The following CYP27C1 variants were observed in gnomAD, a reference collection of about 807,000 sequenced individuals.
The protein encoded by CYP27C1 is cytochrome P450 27C1.
In CYP27C1, 29 loss-of-function variants were observed where a neutral mutation model predicts 40.6. The ratio of observed to expected loss-of-function variants is 0.71; its 90% CI spans 0.53 to 0.97. CYP27C1 has a LOEUF of 0.97. CYP27C1 is among the 50% of genes least tolerant of loss of function. The pLI is 0.00. For missense variants in CYP27C1, 390 were observed against 485.8 expected (o/e 0.80, Z 1.85); for synonymous variants, 198 against 186.8 (o/e 1.06, Z -0.49).
chr2:127,192,328 C>T (rs373278714), intron 8 of CYP27C1, among the ~76,000 whole-genome samples: 1 of 152,320 alleles, frequency 6.6e-6, no homozygotes, highest in Non-Finnish European at 1.5e-5. Context: ...GGTTTCCCGT[C>T]GCTGAAACAG....
chr2:127,193,939 T>C (rs1682845097), intron 6 of CYP27C1, 72 bp from the exon 7 acceptor site: 1 of 1,498,054 alleles, frequency 6.7e-7, no homozygotes, highest in African/African-American at 1.4e-5. Flanking sequence ...TTCAGAACCC[T>C]GGATATATTC....
chr2:127,191,962 T>C (rs1180817882), intron 8 of CYP27C1, among the ~76,000 whole-genome samples: 1 of 152,098 alleles, frequency 6.6e-6, no homozygotes, highest in Non-Finnish European at 1.5e-5. Flanking sequence ...GTTCTGTGCC[T>C]CCTCCCTGGG....
At chr2:127,206,869 G>C (rs781778642) in intron 1 of CYP27C1, among the ~76,000 whole-genome samples, 4 of 151,460 alleles carry the variant, frequency 2.6e-5, no homozygotes, top group Non-Finnish European at 5.9e-5. Context: ...AAGAAGTCAG[G>C]CTATCTCTAT....
intron 8 of CYP27C1, among the ~76,000 whole-genome samples, chr2:127,191,446 G>A (rs912558232): frequency 1.3e-5 from 2 of 152,148 alleles, no homozygotes; most frequent in Non-Finnish European, 2.9e-5. Flanking sequence ...GCCAGAGCCT[G>A]GGGGCAACAA....
At chr2:127,188,653 G>A (rs1403053956) in intron 8 of CYP27C1, among the ~76,000 whole-genome samples, 1 of 151,708 alleles carries the variant, frequency 6.6e-6, no homozygotes, top group Non-Finnish European at 1.5e-5. Flanking sequence ...TGTTGATCTT[G>A]GTTCGTACCT....
rs1275468076 is a variant in CYP27C1 at position 127,218,561 on chromosome 2, C to G, written c.282+1428G>C. Reference sequence around the variant, plus strand: ...TTAAAATTAAATTAAATTTTAATTCCCGGCCGAATTAAAATTGCTCCTCGC... The same window carrying G: ...TTAAAATTAAATTAAATTTTAATTCGCGGCCGAATTAAAATTGCTCCTCGC... On this transcript the variant is annotated intron_variant, in intron 1 of 8. Transcript: ENST00000664447. The surrounding 1 kb of genome is among the most constrained non-coding windows in gnomAD (Gnocchi z 6.0). Among the ~76,000 whole-genome samples the G allele has an allele frequency of 1.3e-5, 2 of 151,984 alleles. No homozygotes were observed. The highest frequency in any genetic ancestry group is 2.1e-4 in the South Asian group (1 of 4,832).
At chr2:127,204,438 GA>G (rs1374936746) in intron 2 of CYP27C1, among the ~76,000 whole-genome samples, 47 of 34,568 alleles carry the variant, frequency 1.4e-3, no homozygotes, top group African/African-American at 3.6e-3. Flanking sequence ...AGGAAAGAAA[GA>G]AAAAGAAAGA....
intron 8 of CYP27C1, among the ~76,000 whole-genome samples, chr2:127,188,026 G>A (rs747693264): frequency 4.6e-5 from 7 of 152,250 alleles, no homozygotes; most frequent in Non-Finnish European, 8.8e-5. Flanking sequence ...CCCGGCGGCC[G>A]GCTAGGGTTT....
At chr2:127,190,331 C>CTTTTTTT (rs11400543) in intron 8 of CYP27C1, among the ~76,000 whole-genome samples, 5 of 120,222 alleles carry the variant, frequency 4.2e-5, no homozygotes, top group Non-Finnish European at 4.9e-5. Flanking sequence ...TGTGGCTTCT[C>CTTTTTTT]TTTTTTTTTT....
intron 1 of CYP27C1, among the ~76,000 whole-genome samples, chr2:127,213,542 C>T (rs188514782): frequency 1.2e-4 from 19 of 152,224 alleles, no homozygotes; most frequent in Admixed American, 2.6e-4. Flanking sequence ...CTTTGACAAA[C>T]CTGACAAAAA....
intron 3 of CYP27C1, among the ~76,000 whole-genome samples, chr2:127,202,670 A>G (rs1044739584): frequency 3.9e-5 from 6 of 152,194 alleles, no homozygotes; most frequent in Non-Finnish European, 4.4e-5. Flanking sequence ...CAATATGACT[A>G]AAAGCTAGAA....
At chr2:127,193,751 C>T in intron 7 of CYP27C1, 38 bp downstream of exon 7, 3 of 1,611,536 alleles carry the variant, frequency 1.9e-6, no homozygotes, top group South Asian at 2.2e-5. Flanking sequence ...TCAACCCCGA[C>T]CCGCAAGGCC....
intron 1 of CYP27C1, among the ~76,000 whole-genome samples, chr2:127,210,591 T>A (rs1183685000): frequency 6.6e-6 from 1 of 151,408 alleles, no homozygotes; most frequent in Non-Finnish European, 1.5e-5. Flanking sequence ...TCAAGACCCA[T>A]CAGCGTGCTG....
In CYP27C1 at chr2:127,200,168, C is replaced by T. The variant is rs1257057065; in HGVS notation, c.884-629G>A. On this transcript the variant is annotated intron_variant, in intron 4 of 8. Coordinates refer to ENST00000664447, the MANE Select transcript of CYP27C1 (RefSeq NM_001367502.1). This position sits in a 1 kb window ranked among gnomAD's most constrained non-coding sequence, Gnocchi z 4.2. ...CTAATTTTTGTATTTTTAGTAGAGACGCAGTTTCGCCATGTTGGCCAGGCT... is the reference window on the plus strand; with the variant it reads ...CTAATTTTTGTATTTTTAGTAGAGATGCAGTTTCGCCATGTTGGCCAGGCT... Among the ~76,000 whole-genome samples the T allele has an allele frequency of 2.2e-4, 34 of 152,274 alleles. No homozygotes were observed. Among genetic ancestry groups the T allele is most frequent in the Non-Finnish European group, 3.5e-4 (24 of 68,008 alleles).
At chr2:127,203,689 A>G in intron 2 of CYP27C1, 118 bp from the exon 3 acceptor site, 1 of 1,006,222 alleles carries the variant, frequency 9.9e-7, no homozygotes, top group Admixed American at 2.7e-5. Context: ...TGCCCAACAA[A>G]GTAGAATTAA....
rs1682638516 is a variant in CYP27C1, at chr2:127,186,984, T to G, written c.*287A>C. 3.3e-6 allele frequency: 1 copy of G among 307,268 alleles called. No homozygotes were observed. The highest frequency in any genetic ancestry group is 6.8e-5 in the South Asian group (1 of 14,788). The allele number at this position is 307,268 out of a possible 1,614,324, so 19.0% of individuals were successfully genotyped here. A position where few individuals can be genotyped will look rare whatever the true frequency, so the allele number is the denominator to read the frequency against. On this transcript the variant is annotated 3_prime_UTR_variant, in exon 9 of 9. Transcript: ENST00000664447. The surrounding 1 kb of genome is among the most constrained non-coding windows in gnomAD (Gnocchi z 4.5). ...ACAGGATACTGCCAGTCATTAAATATTGAGTCTAGCACAATGTATGAAGCA... is the reference window on the plus strand; with the variant it reads ...ACAGGATACTGCCAGTCATTAAATAGTGAGTCTAGCACAATGTATGAAGCA...
chr2:127,218,808 A>C lies in CYP27C1; in HGVS notation c.282+1181T>G, dbSNP rs1051560130. ...ACCAAAAGCCCCCATACCAGAAATA[A>C]CAGTGCGTGCTGGGCCGGGCACCCG... is the stretch of plus-strand genomic sequence containing the variant. On this transcript the variant is annotated intron_variant, in intron 1 of 8. Transcript: ENST00000664447. This position sits in a 1 kb window ranked among gnomAD's most constrained non-coding sequence, Gnocchi z 6.0. Among the ~76,000 whole-genome samples the C allele has an allele frequency of 3.3e-5, 5 of 152,184 alleles. No individual in the cohort carries two copies. Among genetic ancestry groups the C allele is most frequent in the African/African-American group, 1.2e-4 (5 of 41,444 alleles).
chr2:127,204,623 AAG>A (rs751341712), intron 2 of CYP27C1, among the ~76,000 whole-genome samples: 2 of 95,118 alleles, frequency 2.1e-5, no homozygotes, highest in Admixed American at 1.2e-4. Flanking sequence ...GAAAGAAAGA[AAG>A]AAGACTGCAG....
rs1176908796 is a variant in CYP27C1 at position 127,201,087 on chromosome 2, G to T, written c.883+35C>A. ...GACACACAACACGGCAGGTCAACCT[G>T]CTTCTGCAAAAGGTGCTCTCAATTC... On this transcript the variant is annotated intron_variant, in intron 4 of 8. Coordinates refer to ENST00000664447, the MANE Select transcript of CYP27C1 (RefSeq NM_001367502.1). This position sits in a 1 kb window ranked among gnomAD's most constrained non-coding sequence, Gnocchi z 6.0. 1 of 1,600,626 alleles carries T rather than the reference G, an allele frequency of 6.2e-7. No individual in the cohort carries two copies. The highest frequency in any genetic ancestry group is 1.1e-5 in the South Asian group (1 of 90,554).
Sources: gnomAD v4.1 joint callset for allele counts (sites outside exome capture counted in the v4.1 genomes callset) on GRCh38, gnomAD v4.1.1 for gene constraint, Gnocchi (gnomAD v3.1) non-coding constraint, MANE v1.5 for transcripts, NCBI Gene and HGNC (gene_info 2026-07-23, HGNC 2026-07-21) for gene names.